NR4A3: variants seen among roughly 807,000 people sequenced by gnomAD.
NR4A3 encodes the protein chondrosarcoma, extraskeletal myxoid, fused to EWS.
In NR4A3, 13 loss-of-function variants were observed where a neutral mutation model predicts 55.6. The ratio of observed to expected loss-of-function variants is 0.23; its 90% CI spans 0.15 to 0.37. The LOEUF is 0.37. NR4A3 is among the 10% of genes least tolerant of loss of function. The pLI is 1.00. For missense variants in NR4A3, 646 were observed against 822.8 expected, an observed-to-expected ratio of 0.79 and a Z score of 2.63; for synonymous variants, 342 against 357.9, an observed-to-expected ratio of 0.96 and a Z score of 0.50.
At chr9:99,833,734 C>T in intron 5 of NR4A3, 1 of 1,462,610 alleles carries the variant, frequency 6.8e-7, no homozygotes, top group Non-Finnish European at 9.0e-7. Flanking sequence ...CAATGAAAAT[C>T]TGCACAGACA....
chr9:99,831,238 T>C (rs1312672484), intron 3 of NR4A3, among the ~76,000 whole-genome samples: 5 of 152,220 alleles, frequency 3.3e-5, no homozygotes, highest in Admixed American at 6.5e-5. Flanking sequence ...TTGAGGATGA[T>C]GGCAAGAAAT....
intron 5 of NR4A3, chr9:99,834,640 G>A: frequency 3.9e-6 from 1 of 258,296 alleles, no homozygotes; most frequent in Non-Finnish European, 6.1e-6. Context: ...CAAGCTTCTG[G>A]CTGAATGGCT....
chr9:99,840,933 G>A (rs1302241855), intron 5 of NR4A3, among the ~76,000 whole-genome samples: 1 of 152,140 alleles, frequency 6.6e-6, no homozygotes, highest in Non-Finnish European at 1.5e-5. Flanking sequence ...CTCTCTTCCA[G>A]TTAAGAGTCT....
rs1204737677 is a variant in NR4A3, at chr9:99,825,986, A to G, written c.-3+154A>G. On this transcript the variant is annotated intron_variant, in intron 2 of 7. Coordinates refer to ENST00000395097, the MANE Select transcript of NR4A3 (RefSeq NM_006981.4). This position sits in a 1 kb window ranked among gnomAD's most constrained non-coding sequence, Gnocchi z 5.0. ...CAACACAGGTGGCTTCCTCACAGGAAGCTCCTCTGTATACCACACCCTGTT... is the reference window on the plus strand; with the variant it reads ...CAACACAGGTGGCTTCCTCACAGGAGGCTCCTCTGTATACCACACCCTGTT... 6.6e-6 allele frequency among the ~76,000 whole-genome samples: 1 copy of G among 152,258 alleles called. No homozygotes were observed. The highest frequency in any genetic ancestry group is 1.9e-4 in the East Asian group (1 of 5,204).
rs1180464372 is a variant in NR4A3 at position 99,864,317 on chromosome 9, T to C, written c.*450T>C. The C allele has an allele frequency of 1.7e-5, 4 of 234,022 alleles. No homozygotes were observed. The East Asian group carries it at 1.9e-4, about 11-fold the overall frequency. 14.5% of individuals were successfully genotyped at this position (234,022 alleles called of 1,614,324 possible). A position where few individuals can be genotyped will look rare whatever the true frequency, so the allele number is the denominator to read the frequency against. ...CTTAAAGATTGGTCCCTTGAAAATATGCTTCCTGTATCAAAGGTACGTATG... is the reference window on the plus strand; with the variant it reads ...CTTAAAGATTGGTCCCTTGAAAATACGCTTCCTGTATCAAAGGTACGTATG... On this transcript the variant is annotated 3_prime_UTR_variant, in exon 8 of 8. Coordinates refer to ENST00000395097, the MANE Select transcript of NR4A3 (RefSeq NM_006981.4).
At chr9:99,861,394 C>T (rs1254980060) in intron 7 of NR4A3, among the ~76,000 whole-genome samples, 1 of 152,120 alleles carries the variant, frequency 6.6e-6, no homozygotes, top group Non-Finnish European at 1.5e-5. Context: ...GTGGCACACA[C>T]TTGTAATCCC....
At chr9:99,831,587 G>A (rs765490121) in intron 3 of NR4A3, among the ~76,000 whole-genome samples, 1 of 152,168 alleles carries the variant, frequency 6.6e-6, no homozygotes, top group African/African-American at 2.4e-5. Flanking sequence ...ACACAAAATA[G>A]ATCATAAAGC....
intron 5 of NR4A3, among the ~76,000 whole-genome samples, chr9:99,838,524 C>T (rs769606054): frequency 8.5e-5 from 13 of 152,206 alleles, no homozygotes; most frequent in Non-Finnish European, 1.9e-4. Flanking sequence ...AGTTCCTGCC[C>T]CTCTGTGGGC....
intron 7 of NR4A3, among the ~76,000 whole-genome samples, chr9:99,858,121 G>C (rs1237378239): frequency 6.6e-6 from 1 of 152,146 alleles, no homozygotes; most frequent in Non-Finnish European, 1.5e-5. Flanking sequence ...ATAACTATCT[G>C]ACTTCAAACT....
At chr9:99,850,552 C>T (rs1470294225) in intron 7 of NR4A3, among the ~76,000 whole-genome samples, 3 of 152,156 alleles carry the variant, frequency 2.0e-5, no homozygotes, top group Admixed American at 6.5e-5. Flanking sequence ...AGCTGCTCAG[C>T]CCGCTGCCCA....
At chr9:99,838,200 TA>T (rs1360786510) in intron 5 of NR4A3, among the ~76,000 whole-genome samples, 1 of 152,222 alleles carries the variant, frequency 6.6e-6, no homozygotes, top group Non-Finnish European at 1.5e-5. Context: ...GCATAATTAC[TA>T]ATGAGAAAAC....
At chr9:99,837,511 T>C (rs914390912) in intron 5 of NR4A3, among the ~76,000 whole-genome samples, 1 of 152,150 alleles carries the variant, frequency 6.6e-6, no homozygotes, top group African/African-American at 2.4e-5. Flanking sequence ...TGACAATTTA[T>C]TATATTTTTG....
chr9:99,863,385 C>T (rs939166512), intron 7 of NR4A3, among the ~76,000 whole-genome samples: 49 of 152,170 alleles, frequency 3.2e-4, no homozygotes, highest in African/African-American at 1.1e-3. Context: ...AATGGGTGCT[C>T]AGAAGTAAAG....
rs374888290 is a variant in NR4A3 at position 99,844,609 on chromosome 9, T to C, written c.1255-40T>C. 5.1e-4 allele frequency: 804 copies of C among 1,564,216 alleles called. 1 individual carries two copies. Among genetic ancestry groups the C allele is most frequent in the Middle Eastern group, 7.3e-4 (4 of 5,462 alleles). On this transcript the variant is annotated intron_variant, in intron 5 of 7. Coordinates refer to ENST00000395097, the MANE Select transcript of NR4A3 (RefSeq NM_006981.4). ...TTGCAAGTGATGCCATCATCCCCACTGAAGCAGGATAATGCTGCTCTCTCT... is the reference window on the plus strand; with the variant it reads ...TTGCAAGTGATGCCATCATCCCCACCGAAGCAGGATAATGCTGCTCTCTCT...
chr9:99,863,625 C>G lies in NR4A3; in HGVS notation c.1639C>G (p.His547Asp). The G allele has an allele frequency of 6.2e-7, 1 of 1,613,298 alleles. No individual in the cohort carries two copies. The highest frequency in any genetic ancestry group is 1.1e-5 in the South Asian group (1 of 90,976). Residue 547 changes from histidine to aspartate, a missense_variant, in exon 8 of 8, where the codon CAT (histidine) becomes GAT (aspartate). Transcript: ENST00000395097. Reference sequence around the variant, plus strand: ...CCTTCTCTATCCCTCTGCAGAAAGACATGGGTTAAAAGAACCAAAGAGAGT... The same window carrying G: ...CCTTCTCTATCCCTCTGCAGAAAGAGATGGGTTAAAAGAACCAAAGAGAGT... ...LSALSMITER[H>D]GLKEPKRVEE...
At chr9:99,837,603 T>C (rs1330868858) in intron 5 of NR4A3, among the ~76,000 whole-genome samples, 1 of 152,092 alleles carries the variant, frequency 6.6e-6, no homozygotes, top group African/African-American at 2.4e-5. Context: ...AAGGCAACCA[T>C]TTACAAGTGG....
intron 5 of NR4A3, among the ~76,000 whole-genome samples, chr9:99,842,193 T>C (rs1160278827): frequency 6.6e-6 from 1 of 151,852 alleles, no homozygotes; most frequent in Non-Finnish European, 1.5e-5. Context: ...AAGCGTCTCA[T>C]TTCCTCTCAC....
At chr9:99,847,341 G>A in intron 6 of NR4A3, 96 bp from the exon 7 acceptor site, 1 of 1,170,962 alleles carries the variant, frequency 8.5e-7, no homozygotes, top group Non-Finnish European at 1.3e-6. Context: ...TCCCAATGCT[G>A]CCCCATGGCT....
At chr9:99,831,726 T>TA (rs915149950) in intron 3 of NR4A3, among the ~76,000 whole-genome samples, 3 of 152,224 alleles carry the variant, frequency 2.0e-5, no homozygotes, top group African/African-American at 7.2e-5. Flanking sequence ...CCCTAAGTGG[T>TA]AAAAATACGT....
Sources: gnomAD v4.1 joint callset for allele counts (sites outside exome capture counted in the v4.1 genomes callset) on GRCh38, gnomAD v4.1.1 for gene constraint, Gnocchi (gnomAD v3.1) non-coding constraint, MANE v1.5 for transcripts, NCBI Gene and HGNC (gene_info 2026-07-23, HGNC 2026-07-21) for gene names.